Variants in MRLN observed in about 807,000 individuals in gnomAD.
The protein encoded by MRLN is myoregulin.
chr10:59,740,473 C>A (rs548383743), intron 1 of MRLN, among the ~76,000 whole-genome samples: 1 of 152,106 alleles, frequency 6.6e-6, no homozygotes, highest in African/African-American at 2.4e-5. Context: ...TCCCTGAAGA[C>A]CTTCCAGTGG....
At chr10:59,751,277 G>C (rs1841100219) in intron 1 of MRLN, among the ~76,000 whole-genome samples, 1 of 152,274 alleles carries the variant, frequency 6.6e-6, no homozygotes, top group African/African-American at 2.4e-5. Flanking sequence ...TTGGAACAAA[G>C]TAAGTGCTTA....
intron 1 of MRLN, among the ~76,000 whole-genome samples, chr10:59,748,992 AG>A (rs1250135018): frequency 1.3e-5 from 2 of 152,234 alleles, no homozygotes. Flanking sequence ...TCAGTCAGCA[AG>A]GTGGAGTGAG....
chr10:59,742,977 G>A (rs1841000711), intron 1 of MRLN, among the ~76,000 whole-genome samples: 1 of 152,002 alleles, frequency 6.6e-6, no homozygotes, highest in Non-Finnish European at 1.5e-5. Flanking sequence ...TGATCCTCCT[G>A]CCTCAGCCTC....
intron 1 of MRLN, among the ~76,000 whole-genome samples, chr10:59,743,775 C>T (rs1051658077): frequency 6.6e-6 from 1 of 152,198 alleles, no homozygotes; most frequent in South Asian, 2.1e-4. Flanking sequence ...CCTGATTCTC[C>T]TGCCTCAGCC....
intron 1 of MRLN, among the ~76,000 whole-genome samples, chr10:59,748,091 G>GTTT (rs796457239): frequency 1.5e-4 from 20 of 135,930 alleles, no homozygotes; most frequent in East Asian, 1.3e-3. Context: ...TTTTTCTTTT[G>GTTT]TTTTTTTTTT....
intron 1 of MRLN, among the ~76,000 whole-genome samples, chr10:59,750,062 CTTTTTTTTTTTTTTT>C (rs71006289): frequency 1.7e-5 from 1 of 58,822 alleles, no homozygotes; most frequent in Non-Finnish European, 2.9e-5. Context: ...CTCTCTCTCT[CTTTTTTTTTTTTTTT>C]TTTTTTTTTT....
intron 1 of MRLN, chr10:59,739,427 A>G (rs1382943051): frequency 6.6e-6 from 1 of 152,260 alleles, no homozygotes; most frequent in African/African-American, 2.4e-5. Context: ...ATATGCTGTA[A>G]ATCATCTCCA....
At chr10:59,749,608 C>T (rs987824022) in intron 1 of MRLN, among the ~76,000 whole-genome samples, 7 of 151,958 alleles carry the variant, frequency 4.6e-5, no homozygotes, top group African/African-American at 1.4e-4. Context: ...GCACAAGAGT[C>T]GCTTGAACCT....
chr10:59,739,323 C>A (rs912686830), intron 1 of MRLN: 42 of 152,266 alleles, frequency 2.8e-4, no homozygotes, highest in African/African-American at 1.0e-3. Context: ...GAATACCCCA[C>A]AGATACAGTA....
chr10:59,745,087 A>G (rs1170157400), intron 1 of MRLN, among the ~76,000 whole-genome samples: 8 of 152,096 alleles, frequency 5.3e-5, no homozygotes, highest in Non-Finnish European at 1.2e-4. Flanking sequence ...TCTCTGAGAA[A>G]CACCCAAGAA....
rs558122137 is a variant in MRLN at position 59,752,228 on chromosome 10, C to A, written c.-125+1126G>T. The stretch of plus-strand genomic sequence containing the variant: ...AGATATCGCCTCTACAGTTTAAATT[C>A]ATGTTTCCCATCAAAAACCATATTT... On this transcript the variant is annotated intron_variant, in intron 1 of 2. Coordinates refer to ENST00000414264, the MANE Select transcript of MRLN (RefSeq NM_001304731.2). Among the ~76,000 whole-genome samples, 47 of 152,250 alleles carry A rather than the reference C, an allele frequency of 3.1e-4. No homozygotes were observed. In the South Asian group the frequency reaches 9.5e-3, roughly 31 times the overall value.
chr10:59,750,189 C>T (rs1841086993), intron 1 of MRLN, among the ~76,000 whole-genome samples: 1 of 150,278 alleles, frequency 6.7e-6, no homozygotes, highest in Non-Finnish European at 1.5e-5. Flanking sequence ...TCTCCTGCCT[C>T]AGCCCCCGAG....
chr10:59,747,365 C>T lies in MRLN; in HGVS notation c.-125+5989G>A, dbSNP rs538129992. ...TTAAGCAAGCTACGTTAACTCTGTG[C>T]CTCAGTTGGCACTTCCATAAAGTGG... On this transcript the variant is annotated intron_variant, in intron 1 of 2. Coordinates refer to ENST00000414264, the MANE Select transcript of MRLN (RefSeq NM_001304731.2). Among the ~76,000 whole-genome samples, 13 of 152,268 alleles carry T rather than the reference C, an allele frequency of 8.5e-5. No individual in the cohort carries two copies. In the South Asian group the frequency reaches 2.3e-3, roughly 27 times the overall value.
intron 1 of MRLN, among the ~76,000 whole-genome samples, chr10:59,745,453 T>A (rs1841033813): frequency 6.6e-6 from 1 of 151,880 alleles, no homozygotes; most frequent in South Asian, 2.1e-4. Flanking sequence ...AGATTTTTTT[T>A]ATGTTGAAAC....
At chr10:59,741,419 G>A (rs1404271804) in intron 1 of MRLN, among the ~76,000 whole-genome samples, 1 of 151,742 alleles carries the variant, frequency 6.6e-6, no homozygotes, top group African/African-American at 2.4e-5. Flanking sequence ...ATCTCACTCT[G>A]TCACCTAGGC....
chr10:59,744,464 G>A (rs574847509), intron 1 of MRLN, among the ~76,000 whole-genome samples: 3 of 149,836 alleles, frequency 2.0e-5, no homozygotes, highest in East Asian at 2.0e-4. Flanking sequence ...AGCCGCGCCC[G>A]GCCAGCCGCC....
intron 1 of MRLN, among the ~76,000 whole-genome samples, chr10:59,747,435 G>C (rs1195561038): frequency 6.6e-6 from 1 of 152,216 alleles, no homozygotes; most frequent in African/African-American, 2.4e-5. Context: ...AATTCAATGA[G>C]ATAATGCTTG....
At chr10:59,745,133 TA>T (rs572050278) in intron 1 of MRLN, among the ~76,000 whole-genome samples, 2 of 151,368 alleles carry the variant, frequency 1.3e-5, no homozygotes, top group African/African-American at 4.9e-5. Context: ...TAAAATAAAA[TA>T]AAAAAAAGAA....
intron 2 of MRLN, among the ~76,000 whole-genome samples, chr10:59,737,613 A>T (rs1419066718): frequency 6.7e-6 from 1 of 149,914 alleles, no homozygotes; most frequent in Non-Finnish European, 1.5e-5. Flanking sequence ...CCAGGAAGTG[A>T]GAATTTGAAG....
Sources: allele counts gnomAD v4.1 joint callset (sites outside exome capture counted in the v4.1 genomes callset), GRCh38; gene constraint gnomAD v4.1.1; transcripts MANE v1.5; gene names NCBI Gene and HGNC (gene_info 2026-07-23, HGNC 2026-07-21).